Variants in ENOSF1 observed in about 807,000 individuals in gnomAD.
The protein encoded by ENOSF1 is enolase superfamily member 1.
A neutral mutation model predicts 68.2 loss-of-function variants in ENOSF1; 73 were observed. The ratio of observed to expected loss-of-function variants is 1.07; its 90% CI spans 0.89 to 1.30. ENOSF1 has a LOEUF of 1.30. Ranked by LOEUF, ENOSF1 falls within the 50% of genes most tolerant of loss-of-function variation. ENOSF1 has a pLI of 0.00. For synonymous variants in ENOSF1, 223 were observed against 210.4 expected, an observed-to-expected ratio of 1.06 and a Z score of -0.52; for missense variants, 589 against 554.5, an observed-to-expected ratio of 1.06 and a Z score of -0.62.
At chr18:694,384 G>T in intron 3 of ENOSF1, 50 bp from the exon 4 acceptor site, 1 of 1,564,202 alleles carries the variant, frequency 6.4e-7, no homozygotes, top group African/African-American at 1.4e-5. Context: ...GAAAAAGAGG[G>T]CTGGGTGTGA....
the ENOSF1 span, among the ~76,000 whole-genome samples, chr18:663,920 C>G: frequency 9.3e-6 from 1 of 107,568 alleles, no homozygotes; most frequent in Non-Finnish European, 1.8e-5. Context: ...GTTACTGTAG[C>G]CTTGTAGTAT....
rs2075177394 is a variant in ENOSF1 at position 673,572 on chromosome 18, A to G, written c.*733T>C. On this transcript the variant is annotated 3_prime_UTR_variant, in exon 16 of 16. Coordinates refer to ENST00000647584, the MANE Select transcript of ENOSF1 (RefSeq NM_017512.7). ...TAAAATAGATTAAAGAACTCTCCTT[A>G]AGTAAACATGTGCTGTATTCTGGTT... 1 of 181,628 alleles carries G rather than the reference A, an allele frequency of 5.5e-6. No homozygotes were observed. Among genetic ancestry groups the G allele is most frequent in the Non-Finnish European group, 1.2e-5 (1 of 85,596 alleles). 11.3% of individuals were successfully genotyped at this position (181,628 alleles called of 1,614,324 possible).
chr18:668,524 C>T (rs1051391759), downstream of ENOSF1, among the ~76,000 whole-genome samples: 4 of 152,228 alleles, frequency 2.6e-5, no homozygotes, highest in Admixed American at 1.3e-4. Context: ...GTGTGTTGAG[C>T]TGCTAAACTC....
At chr18:697,851 T>TG (rs1320959248) in intron 2 of ENOSF1, among the ~76,000 whole-genome samples, 1 of 152,182 alleles carries the variant, frequency 6.6e-6, no homozygotes, top group Non-Finnish European at 1.5e-5. Flanking sequence ...TTGAGTGCAG[T>TG]GGCACTATCA....
At chr18:666,785 G>A (rs2074823777), downstream of ENOSF1, among the ~76,000 whole-genome samples, 1 of 152,264 alleles carries the variant, frequency 6.6e-6, no homozygotes, top group African/African-American at 2.4e-5. Context: ...GTTCTTAAAG[G>A]CAGAAAGTGG....
downstream of ENOSF1, chr18:669,601 A>C (rs2074945962): frequency 6.3e-6 from 1 of 159,618 alleles, no homozygotes; most frequent in Non-Finnish European, 1.4e-5. Flanking sequence ...TGAACTCCTG[A>C]CCTCAGATGA....
Position 670,418 on chromosome 18 carries a change from T to C in ENOSF1, c.*3887A>G, listed in dbSNP as rs2074986786. On this transcript the variant is annotated 3_prime_UTR_variant, in exon 16 of 16. Coordinates refer to ENST00000647584, the MANE Select transcript of ENOSF1 (RefSeq NM_017512.7). ...TATTCCTGCTGTATTTGTAATCTGG[T>C]GCCACGAGGTAGCCCAGATCCCTTC... 2.7e-6 allele frequency: 1 copy of C among 363,858 alleles called. No individual in the cohort carries two copies. The allele number at this position is 363,858 out of a possible 1,614,324, so 22.5% of individuals were successfully genotyped here.
chr18:694,568 C>T (rs571179883), intron 3 of ENOSF1, among the ~76,000 whole-genome samples: 137 of 150,242 alleles, frequency 9.1e-4, no homozygotes, highest in African/African-American at 3.2e-3. Context: ...GCGGAGGTTG[C>T]AGTGAGCCAA....
At chr18:667,233 AGATGGAGATGGTGATGGT>A (rs2074859241), downstream of ENOSF1, among the ~76,000 whole-genome samples, 1 of 13,030 alleles carries the variant, frequency 7.7e-5, no homozygotes. Context: ...ATGGTGATGG[AGATGGAGATGGTGATGGT>A]GATGGTGATG....
At chr18:699,522 GTTAT>G (rs766176929) in intron 2 of ENOSF1, among the ~76,000 whole-genome samples, 48 of 151,438 alleles carry the variant, frequency 3.2e-4, no homozygotes, top group Non-Finnish European at 5.9e-4. Context: ...GCTTTCTTGG[GTTAT>G]TTAAGATGAT....
rs35143366 is a variant in ENOSF1, at chr18:670,472, C to T, written c.*3833G>A. 4,504 of 547,648 alleles carry T rather than the reference C, an allele frequency of 8.2e-3. 161 individuals carry two copies. The highest frequency in any genetic ancestry group is 0.077 in the African/African-American group (4,050 of 52,830). The allele number at this position is 547,648 out of a possible 1,614,324, so 33.9% of individuals were successfully genotyped here. On this transcript the variant is annotated 3_prime_UTR_variant, in exon 16 of 16. Transcript: ENST00000647584. ...TCTGATGGAAGAGCATTGCTTCAGC[C>T]GTAAATGGACACCTGCAGAAACCTT...
At chr18:689,841 T>TG (rs1430345453) in intron 8 of ENOSF1, among the ~76,000 whole-genome samples, 1 of 152,094 alleles carries the variant, frequency 6.6e-6, no homozygotes, top group African/African-American at 2.4e-5. Context: ...CAGAAAGACC[T>TG]GAAAGGCATG....
intron 1 of ENOSF1, chr18:706,791 A>G (rs917760819): frequency 3.4e-6 from 1 of 298,096 alleles, no homozygotes; most frequent in Non-Finnish European, 6.0e-6. Context: ...TTTCAACAAG[A>G]GCAATGTATG....
At chr18:665,437 A>C (rs200168887), downstream of ENOSF1, among the ~76,000 whole-genome samples, 357 of 150,036 alleles carry the variant, frequency 2.4e-3, 2 homozygotes, top group African/African-American at 7.8e-3. Flanking sequence ...AGCGGTCTAT[A>C]AATTTTGTTG....
At chr18:679,179 A>G (rs2075823942) in intron 11 of ENOSF1, among the ~76,000 whole-genome samples, 1 of 149,716 alleles carries the variant, frequency 6.7e-6, no homozygotes, top group Non-Finnish European at 1.5e-5. Flanking sequence ...TGCCTCCCTG[A>G]GAAACCTCCT....
intron 8 of ENOSF1, 23 bp downstream of exon 8, chr18:690,526 C>G: frequency 1.2e-6 from 2 of 1,614,110 alleles, no homozygotes; most frequent in Middle Eastern, 1.6e-4. Flanking sequence ...CAGCTGTCTA[C>G]AAAGCCAGGT....
At chr18:684,247 G>A (rs1316453434) in intron 10 of ENOSF1, among the ~76,000 whole-genome samples, 2 of 151,800 alleles carry the variant, frequency 1.3e-5, no homozygotes, top group Non-Finnish European at 2.9e-5. Flanking sequence ...CGCCCGCCTC[G>A]GCCTCCCAAA....
intron 5 of ENOSF1, 52 bp downstream of exon 5, chr18:693,830 T>C (rs2077445780): frequency 3.1e-6 from 5 of 1,611,924 alleles, no homozygotes; most frequent in Admixed American, 1.7e-5. Flanking sequence ...ATGTCATCAA[T>C]GATATCCATT....
chr18:703,337 G>A (rs2078577400), intron 2 of ENOSF1, among the ~76,000 whole-genome samples: 1 of 152,012 alleles, frequency 6.6e-6, no homozygotes, highest in African/African-American at 2.4e-5. Flanking sequence ...GCCCAAGTCA[G>A]CAAAGTTTAA....
Sources: gnomAD v4.1 joint callset for allele counts (sites outside exome capture counted in the v4.1 genomes callset) on GRCh38, gnomAD v4.1.1 for gene constraint, MANE v1.5 for transcripts, NCBI Gene and HGNC (gene_info 2026-07-23, HGNC 2026-07-21) for gene names.